The following PHF24 variants were observed in gnomAD, a reference collection of about 807,000 sequenced individuals.
PHF24 encodes the protein Galpha inhibitory interacting protein.
PHF24 carries 25 observed loss-of-function variants against 42.6 expected under a neutral mutation model. The ratio of observed to expected loss-of-function variants is 0.59; its 90% CI spans 0.43 to 0.82. PHF24 has a LOEUF of 0.82. PHF24 is among the 40% of genes least tolerant of loss of function. The probability of loss-of-function intolerance (pLI) is 0.00; values close to 1 mark genes in which losing one functional copy is unlikely to be tolerated. For missense variants in PHF24, 470 were observed against 538.1 expected (o/e 0.87, Z 1.25); for synonymous variants, 185 against 204.8 (o/e 0.90, Z 0.83).
the PHF24 span, among the ~76,000 whole-genome samples, chr9:34,927,914 T>C: frequency 6.6e-6 from 1 of 152,200 alleles, no homozygotes; most frequent in African/African-American, 2.4e-5. Context: ...TGTGACTTCA[T>C]GAAACTTATG....
the PHF24 span, among the ~76,000 whole-genome samples, chr9:34,783,135 C>G: frequency 2.6e-5 from 4 of 152,196 alleles, no homozygotes; most frequent in Non-Finnish European, 5.9e-5. Flanking sequence ...GATCTTCCTG[C>G]TCCTTGCTGC....
the PHF24 span, among the ~76,000 whole-genome samples, chr9:34,938,202 A>G: frequency 1.3e-5 from 2 of 152,216 alleles, no homozygotes; most frequent in Non-Finnish European, 2.9e-5. Flanking sequence ...GGTCTCTTAT[A>G]AAACAGAACT....
chr9:34,887,107 T>C, the PHF24 span, among the ~76,000 whole-genome samples: 6 of 152,174 alleles, frequency 3.9e-5, no homozygotes. Context: ...AAAACTTTGG[T>C]GCCATCCTTG....
the PHF24 span, among the ~76,000 whole-genome samples, chr9:34,735,430 C>T: frequency 5.3e-5 from 8 of 151,540 alleles, no homozygotes; most frequent in South Asian, 2.1e-4. Context: ...CCACCGCACC[C>T]GGCCCAGATA....
chr9:34,952,153 A>G, the PHF24 span, among the ~76,000 whole-genome samples: 3 of 152,158 alleles, frequency 2.0e-5, no homozygotes, highest in Admixed American at 2.0e-4. Flanking sequence ...TGTCTGCATG[A>G]AAACACAATT....
the PHF24 span, among the ~76,000 whole-genome samples, chr9:34,764,209 T>G: frequency 1.3e-5 from 2 of 152,276 alleles, no homozygotes; most frequent in Non-Finnish European, 2.9e-5. Flanking sequence ...GATGCTGGCC[T>G]CATAAAATGA....
chr9:34,838,564 C>T, the PHF24 span: 2 of 995,984 alleles, frequency 2.0e-6, no homozygotes, highest in South Asian at 3.1e-5. Flanking sequence ...TGCCTAATGA[C>T]TCCCAGTGCT....
At chr9:34,791,595 A>T in the PHF24 span, among the ~76,000 whole-genome samples, 1,634 of 152,182 alleles carry the variant, frequency 0.011, 19 homozygotes, top group South Asian at 0.027. Flanking sequence ...AAAAAAAAAA[A>T]AAGAAAAGAG....
At chr9:34,845,493 G>A in the PHF24 span, among the ~76,000 whole-genome samples, 1 of 152,030 alleles carries the variant, frequency 6.6e-6, no homozygotes, top group South Asian at 2.1e-4. Context: ...TGTGTATCTA[G>A]TCTAGTTTTT....
At chr9:34,807,566 C>T in the PHF24 span, among the ~76,000 whole-genome samples, 1 of 152,100 alleles carries the variant, frequency 6.6e-6, no homozygotes, top group Non-Finnish European at 1.5e-5. Flanking sequence ...TGACCGTATC[C>T]TCTGGATAAG....
At chr9:34,747,637 A>T in the PHF24 span, among the ~76,000 whole-genome samples, 3 of 152,234 alleles carry the variant, frequency 2.0e-5, no homozygotes, top group Non-Finnish European at 2.9e-5. Flanking sequence ...AATTTAAAAA[A>T]TTGACAATGC....
At chr9:34,960,497 T>C (rs1826553089) in intron 1 of PHF24, among the ~76,000 whole-genome samples, 1 of 152,188 alleles carries the variant, frequency 6.6e-6, no homozygotes, top group Non-Finnish European at 1.5e-5. Flanking sequence ...AATCCCCCTT[T>C]CAGTTCAAAC....
the PHF24 span, among the ~76,000 whole-genome samples, chr9:34,792,023 T>C: frequency 6.6e-6 from 1 of 152,240 alleles, no homozygotes; most frequent in Non-Finnish European, 1.5e-5. Flanking sequence ...GAAGGCATTT[T>C]ACAGCATGTT....
At chr9:34,834,097 T>C in the PHF24 span, 1 of 1,381,600 alleles carries the variant, frequency 7.2e-7, no homozygotes, top group Non-Finnish European at 9.8e-7. Context: ...AGGGCATAAC[T>C]TTGTGATGTA....
At chr9:34,835,576 G>A in the PHF24 span, 20,180 of 1,551,738 alleles carry the variant, frequency 0.013, 959 homozygotes, top group East Asian at 0.12. Flanking sequence ...GGACAAGGCT[G>A]GGGTTGCTCT....
the PHF24 span, among the ~76,000 whole-genome samples, chr9:34,759,062 C>T: frequency 4.2e-3 from 641 of 152,302 alleles, 4 homozygotes; most frequent in East Asian, 0.012. Context: ...TATTCATTGC[C>T]TTGTTCCTTT....
the PHF24 span, among the ~76,000 whole-genome samples, chr9:34,772,641 T>G: frequency 2.6e-5 from 4 of 152,240 alleles, no homozygotes; most frequent in Non-Finnish European, 5.9e-5. Flanking sequence ...CTCAAAATTC[T>G]ATTTAAAATT....
At chr9:34,817,428 A>G in the PHF24 span, among the ~76,000 whole-genome samples, 1 of 152,084 alleles carries the variant, frequency 6.6e-6, no homozygotes, top group Non-Finnish European at 1.5e-5. Flanking sequence ...TATTTTTTGT[A>G]GAGACAGGGT....
At chr9:34,977,150 G>T (rs1014286837) in exon 6 of PHF24, 14 of 1,613,656 alleles carry the variant, frequency 8.7e-6, no homozygotes, top group Non-Finnish European at 1.2e-5. Flanking sequence ...CTGGCTCGGG[G>T]CAGTGGGAGC....
Sources: allele counts gnomAD v4.1 joint callset (sites outside exome capture counted in the v4.1 genomes callset), GRCh38; gene constraint gnomAD v4.1.1; transcripts MANE v1.5; gene names NCBI Gene and HGNC (gene_info 2026-07-23, HGNC 2026-07-21).